The following ACSL3 variants were observed in gnomAD, a reference collection of about 807,000 sequenced individuals.
ACSL3 encodes the protein fatty acid CoA ligase Acsl3.
ACSL3 carries 34 observed loss-of-function variants against 84.7 expected under a neutral mutation model. The ratio of observed to expected loss-of-function variants is 0.40; its 90% CI spans 0.31 to 0.53. ACSL3 has a LOEUF of 0.53. ACSL3 is among the 20% of genes least tolerant of loss of function. The probability of loss-of-function intolerance (pLI) is 0.48; values close to 1 mark genes in which losing one functional copy is unlikely to be tolerated. For missense variants in ACSL3, 680 were observed against 873.1 expected, an observed-to-expected ratio of 0.78 and a Z score of 2.79; for synonymous variants, 315 against 299.4, an observed-to-expected ratio of 1.05 and a Z score of -0.54.
Position 222,942,829 on chromosome 2 carries a change from C to T in ACSL3, c.*1175C>T, listed in dbSNP as rs187485953. The T allele has an allele frequency of 3.2e-5, 7 of 220,006 alleles. No individual in the cohort carries two copies. The highest frequency in any genetic ancestry group is 1.2e-4 in the Admixed American group (2 of 17,334). 13.6% of individuals were successfully genotyped at this position (220,006 alleles called of 1,614,324 possible). ...ACACATGAGAATTTAACTTTATAACCGCGTGAGTTAAGATTTAATTCATAG... is the reference window on the plus strand; with the variant it reads ...ACACATGAGAATTTAACTTTATAACTGCGTGAGTTAAGATTTAATTCATAG... On this transcript the variant is annotated 3_prime_UTR_variant, in exon 17 of 17. Transcript: ENST00000357430.
intron 2 of ACSL3, among the ~76,000 whole-genome samples, chr2:222,892,278 G>A (rs1470969158): frequency 3.3e-5 from 5 of 152,048 alleles, no homozygotes; most frequent in Non-Finnish European, 5.9e-5. Flanking sequence ...GCTTTTTTTC[G>A]GGAGGGAGGC....
intron 4 of ACSL3, among the ~76,000 whole-genome samples, chr2:222,914,418 A>T (rs943713534): frequency 7.2e-5 from 11 of 151,994 alleles, no homozygotes; most frequent in African/African-American, 2.7e-4. Context: ...CATGTACTGC[A>T]CGTCTGGCTA....
rs1172548749 is a variant in ACSL3, at chr2:222,893,728, C to T, written c.-148+5840C>T. Among the ~76,000 whole-genome samples the T allele has an allele frequency of 2.0e-5, 3 of 151,772 alleles. 1 individual carries two copies. In the East Asian group the frequency reaches 5.8e-4, roughly 29 times the overall value. On this transcript the variant is annotated intron_variant, in intron 2 of 16. Coordinates refer to ENST00000357430, the MANE Select transcript of ACSL3 (RefSeq NM_004457.5). Reference sequence around the variant, plus strand: ...CTCTTCTTTTCTCTCCTCTCCCTTCCCCCGCTTTCCGCCTCCTTTCCCTCT... The same window carrying T: ...CTCTTCTTTTCTCTCCTCTCCCTTCTCCCGCTTTCCGCCTCCTTTCCCTCT...
chr2:222,921,496 G>T, intron 8 of ACSL3, 66 bp downstream of exon 8: 1 of 1,432,850 alleles, frequency 7.0e-7, no homozygotes, highest in East Asian at 2.3e-5. Context: ...TAGCATTTGT[G>T]TCATTTTATT....
intron 1 of ACSL3, among the ~76,000 whole-genome samples, chr2:222,862,425 G>A (rs993607356): frequency 2.6e-5 from 4 of 152,150 alleles, no homozygotes; most frequent in Admixed American, 1.3e-4. Context: ...TTTTAGTCTG[G>A]GTGGCCAGGA....
intron 16 of ACSL3, among the ~76,000 whole-genome samples, chr2:222,939,987 G>A (rs1377447969): frequency 1.3e-5 from 2 of 152,172 alleles, no homozygotes; most frequent in Non-Finnish European, 2.9e-5. Flanking sequence ...AGAATGTTTA[G>A]TAAAGCACTT....
At chr2:222,920,644 C>T (rs73065530) in intron 7 of ACSL3, among the ~76,000 whole-genome samples, 4,094 of 152,034 alleles carry the variant, frequency 0.027, 159 homozygotes, top group African/African-American at 0.086. Context: ...TAGTTAGCCA[C>T]ACAGCAGCCA....
chr2:222,924,558 C>G lies in ACSL3; in HGVS notation c.1255C>G (p.Gln419Glu), dbSNP rs558803278. ...FILAYNYKME[Q>E]ISKGRNTPLC... ...TCTGGCCTATAATTACAAAATGGAA[C>G]AGATTTCAAAAGGACGTAATACTCC... The change falls in exon 11 of 17, where the codon CAG (glutamine) becomes GAG (glutamate). Residue 419 changes from glutamine to glutamate, a missense_variant. Around this residue, in one of 2 missense-constraint regions of ACSL3, gnomAD observed 347 missense variants for 525.7 expected, o/e 0.66. Transcript: ENST00000357430. 4.3e-6 allele frequency: 7 copies of G among 1,609,758 alleles called. No homozygotes were observed. In the African/African-American group the frequency reaches 9.4e-5, roughly 22 times the overall value.
At chr2:222,895,321 C>T (rs931009411) in intron 2 of ACSL3, among the ~76,000 whole-genome samples, 2 of 152,200 alleles carry the variant, frequency 1.3e-5, no homozygotes, top group African/African-American at 4.8e-5. Flanking sequence ...CTGTTTCTCC[C>T]ACCCTCTCTC....
intron 2 of ACSL3, among the ~76,000 whole-genome samples, chr2:222,900,427 G>T (rs963050776): frequency 6.6e-6 from 1 of 151,930 alleles, no homozygotes; most frequent in African/African-American, 2.4e-5. Context: ...TCTCTTTATG[G>T]CTCCAAAATG....
chr2:222,919,275 T>C, intron 7 of ACSL3, 73 bp downstream of exon 7: 7 of 1,561,550 alleles, frequency 4.5e-6, no homozygotes, highest in Non-Finnish European at 6.1e-6. Context: ...GCCAAAGTTT[T>C]GATTCTGAGG....
chr2:222,882,195 G>A (rs908115504), intron 1 of ACSL3, among the ~76,000 whole-genome samples: 1 of 152,162 alleles, frequency 6.6e-6, no homozygotes, highest in African/African-American at 2.4e-5. Context: ...TTAGCAAAAT[G>A]TATTTGTGGA....
At chr2:222,894,710 T>G (rs961158882) in intron 2 of ACSL3, among the ~76,000 whole-genome samples, 1 of 151,776 alleles carries the variant, frequency 6.6e-6, no homozygotes, top group South Asian at 2.1e-4. Flanking sequence ...TTTTCTGTAG[T>G]CAGGCATGAA....
chr2:222,866,122 A>AT (rs1160260094), intron 1 of ACSL3, among the ~76,000 whole-genome samples: 1 of 151,882 alleles, frequency 6.6e-6, no homozygotes, highest in Non-Finnish European at 1.5e-5. Flanking sequence ...TGCTGTTCTA[A>AT]TTTTTATCTC....
chr2:222,924,816 GATCGAGACC>G lies in ACSL3; in HGVS notation c.1292+225_1292+233del, dbSNP rs1201847508. Among the ~76,000 whole-genome samples, 3 of 152,034 alleles carry G rather than the reference GATCGAGACC, an allele frequency of 2.0e-5. No homozygotes were observed. In the East Asian group the frequency reaches 5.8e-4, roughly 29 times the overall value. On this transcript the variant is annotated intron_variant, in intron 11 of 16. Transcript: ENST00000357430. Reference sequence around the variant, plus strand: ...AGGCAGGTGGATCATGAGGTCAGGAGATCGAGACCATCCTGGCTAACACAGTGAAACCCC... The same window carrying G: ...AGGCAGGTGGATCATGAGGTCAGGAGATCCTGGCTAACACAGTGAAACCCC...
intron 4 of ACSL3, 76 bp downstream of exon 4, chr2:222,909,226 A>T: frequency 1.4e-6 from 2 of 1,399,614 alleles, no homozygotes; most frequent in Non-Finnish European, 2.0e-6. Context: ...GGGCAAGCAC[A>T]GCCTGCCTCC....
At chr2:222,917,891 TGATAA>T (rs1462613703) in intron 5 of ACSL3, 150 bp from the exon 6 acceptor site, 34 of 456,924 alleles carry the variant, frequency 7.4e-5, no homozygotes, top group Non-Finnish European at 1.0e-4. Flanking sequence ...TTGATTAGTA[TGATAA>T]GATAACTTTA....
At chr2:222,919,340 T>A in intron 7 of ACSL3, 138 bp downstream of exon 7, 1 of 866,080 alleles carries the variant, frequency 1.2e-6, no homozygotes, top group Non-Finnish European at 1.7e-6. Flanking sequence ...CAGGTCCCTC[T>A]AGGTATACTT....
intron 16 of ACSL3, among the ~76,000 whole-genome samples, chr2:222,941,240 T>C (rs1697298340): frequency 6.6e-6 from 1 of 152,196 alleles, no homozygotes; most frequent in African/African-American, 2.4e-5. Context: ...CTAACTCGTT[T>C]TCAATGACAG....
Sources: gnomAD v4.1 joint callset for allele counts (sites outside exome capture counted in the v4.1 genomes callset) on GRCh38, gnomAD v4.1.1 for gene constraint, gnomAD v4.1.1 regional missense constraint, MANE v1.5 for transcripts, NCBI Gene and HGNC (gene_info 2026-07-23, HGNC 2026-07-21) for gene names.